The following HRK variants were observed in gnomAD, a reference collection of about 807,000 sequenced individuals.
HRK encodes the protein harakiri, BCL2 interacting protein.
A neutral mutation model predicts 5.9 loss-of-function variants in HRK; 6 were observed. The ratio of observed to expected loss-of-function variants is 1.02; its 90% CI spans 0.56 to 2.01. The LOEUF is 2.01. HRK is among the 30% of genes most tolerant of loss of function. HRK has a pLI of 0.00. For synonymous variants in HRK, 85 were observed against 65.1 expected (o/e 1.31, Z -1.47); for missense variants, 133 against 128.3 (o/e 1.04, Z -0.18).
At chr12:116,877,217 A>ATTT (rs377267721) in intron 1 of HRK, among the ~76,000 whole-genome samples, 177 of 143,332 alleles carry the variant, frequency 1.2e-3, no homozygotes, top group African/African-American at 4.2e-3. Context: ...TGCCCAGCTA[A>ATTT]TTTTTTTTTT....
chr12:116,875,833 C>G (rs1187368813), intron 1 of HRK, among the ~76,000 whole-genome samples: 1 of 152,154 alleles, frequency 6.6e-6, no homozygotes, highest in African/African-American at 2.4e-5. Flanking sequence ...TGTGAGCCAG[C>G]ATACCCGGCT....
chr12:116,877,755 G>T (rs2137254763), intron 1 of HRK, among the ~76,000 whole-genome samples: 1 of 152,032 alleles, frequency 6.6e-6, no homozygotes, highest in Admixed American at 6.5e-5. Flanking sequence ...CCCATTTTTT[G>T]CCCCCATTTT....
chr12:116,860,660 G>T lies in HRK; in HGVS notation c.*863C>A, dbSNP rs971894878. The T allele has an allele frequency of 6.6e-6, 1 of 150,448 alleles. No individual in the cohort carries two copies. Among genetic ancestry groups the T allele is most frequent in the East Asian group, 1.9e-4 (1 of 5,162 alleles). The allele number at this position is 150,448 out of a possible 1,614,324, so 9.3% of individuals were successfully genotyped here. A position where few individuals can be genotyped will look rare whatever the true frequency, so the allele number is the denominator to read the frequency against. On this transcript the variant is annotated 3_prime_UTR_variant, in exon 2 of 2. Transcript: ENST00000257572. ...AACCACCTCTGGATATTCGTCCCCA[G>T]GTAGAAGAAGAGAAGAGACTCTCAA...
chr12:116,868,055 G>A (rs1878609230), intron 1 of HRK, among the ~76,000 whole-genome samples: 1 of 152,058 alleles, frequency 6.6e-6, no homozygotes, highest in South Asian at 2.1e-4. Flanking sequence ...GAATACATGT[G>A]TTAGAATACA....
intron 1 of HRK, among the ~76,000 whole-genome samples, chr12:116,877,915 A>G (rs1022826246): frequency 1.3e-5 from 2 of 152,090 alleles, no homozygotes; most frequent in African/African-American, 4.8e-5. Flanking sequence ...TATGTTTTAA[A>G]TTATTATTGA....
In HRK at chr12:116,862,928, G is replaced by A. The variant is rs888260881; in HGVS notation, c.*57-1462C>T. Among the ~76,000 whole-genome samples the A allele has an allele frequency of 4.6e-5, 7 of 152,110 alleles. No individual in the cohort carries two copies. The highest frequency in any genetic ancestry group is 7.3e-5 in the Non-Finnish European group (5 of 68,034). On this transcript the variant is annotated intron_variant, in intron 1 of 1. Coordinates refer to ENST00000257572, the MANE Select transcript of HRK (RefSeq NM_003806.4). This position sits in a 1 kb window ranked among gnomAD's most constrained non-coding sequence, Gnocchi z 4.0. ...AATTTTTGTATTTTTAGTAGAGACT[G>A]AGTTTTGCCATGTTGGCCAGACTGG...
At chr12:116,872,820 C>G (rs957724567) in intron 1 of HRK, among the ~76,000 whole-genome samples, 1 of 124,454 alleles carries the variant, frequency 8.0e-6, no homozygotes, top group Non-Finnish European at 1.6e-5. Flanking sequence ...CAGAGAGAGA[C>G]AGGAAGAAGG....
intron 1 of HRK, among the ~76,000 whole-genome samples, chr12:116,867,415 A>T (rs1878585455): frequency 6.6e-6 from 1 of 152,086 alleles, no homozygotes; most frequent in Non-Finnish European, 1.5e-5. Context: ...AAGTGCTGGG[A>T]TTACAGGCCT....
intron 1 of HRK, among the ~76,000 whole-genome samples, chr12:116,868,861 T>C (rs1878640496): frequency 6.6e-6 from 1 of 152,130 alleles, no homozygotes; most frequent in African/African-American, 2.4e-5. Flanking sequence ...GAGTCCCAGA[T>C]TGGGGAAGGC....
chr12:116,879,966 G>C lies in HRK; in HGVS notation c.*56+1010C>G, dbSNP rs912023175. 6.6e-6 allele frequency among the ~76,000 whole-genome samples: 1 copy of C among 152,124 alleles called. No individual in the cohort carries two copies. Among genetic ancestry groups the C allele is most frequent in the African/African-American group, 2.4e-5 (1 of 41,446 alleles). ...TCCCTCATTCTCTGCAGCGCTCCTCGCTACTCCAGGATCCAGAGTAGTAAG... is the reference window on the plus strand; with the variant it reads ...TCCCTCATTCTCTGCAGCGCTCCTCCCTACTCCAGGATCCAGAGTAGTAAG... On this transcript the variant is annotated intron_variant, in intron 1 of 1. Coordinates refer to ENST00000257572, the MANE Select transcript of HRK (RefSeq NM_003806.4). The surrounding 1 kb of genome is among the most constrained non-coding windows in gnomAD (Gnocchi z 5.6).
chr12:116,871,928 T>G (rs1191906308), intron 1 of HRK, among the ~76,000 whole-genome samples: 1 of 152,064 alleles, frequency 6.6e-6, no homozygotes, highest in Non-Finnish European at 1.5e-5. Flanking sequence ...TTTTTTTTTT[T>G]TCTTTGAGAT....
chr12:116,871,222 G>T (rs1878738328), intron 1 of HRK, among the ~76,000 whole-genome samples: 1 of 151,638 alleles, frequency 6.6e-6, no homozygotes, highest in South Asian at 2.1e-4. Context: ...CCCCTAAAGT[G>T]CTGGGATTAC....
Position 116,861,485 on chromosome 12 carries a change from G to C in HRK, c.*57-19C>G, listed in dbSNP as rs1878367545. On this transcript the variant is annotated intron_variant, in intron 1 of 1. Transcript: ENST00000257572. Reference sequence around the variant, plus strand: ...CACCAACCTGCAGAAATAAAGATTGGTATTTTGGTCAGTGCAGACAGCTGC... The same window carrying C: ...CACCAACCTGCAGAAATAAAGATTGCTATTTTGGTCAGTGCAGACAGCTGC... 1 of 152,186 alleles carries C rather than the reference G, an allele frequency of 6.6e-6. No homozygotes were observed. The highest frequency in any genetic ancestry group is 2.1e-4 in the South Asian group (1 of 4,830). The allele number at this position is 152,186 out of a possible 1,614,324, so 9.4% of individuals were successfully genotyped here.
chr12:116,861,994 G>A (rs1878383513), intron 1 of HRK, among the ~76,000 whole-genome samples: 1 of 152,154 alleles, frequency 6.6e-6, no homozygotes, highest in Non-Finnish European at 1.5e-5. Flanking sequence ...GCCCCTTGAG[G>A]GGCTCAGAAC....
chr12:116,870,376 G>A (rs902601574), intron 1 of HRK, among the ~76,000 whole-genome samples: 2 of 152,160 alleles, frequency 1.3e-5, no homozygotes, highest in African/African-American at 4.8e-5. Context: ...CCTGAAGTGG[G>A]GAGAGGCACG....
chr12:116,872,836 C>CGGAA (rs952414224), intron 1 of HRK, among the ~76,000 whole-genome samples: 11 of 116,496 alleles, frequency 9.4e-5, no homozygotes, highest in Non-Finnish European at 1.8e-4. Context: ...GAAGGAGGGA[C>CGGAA]GGAAGGAAGG....
chr12:116,873,124 T>TTTTTGTTTTG (rs373165953), intron 1 of HRK, among the ~76,000 whole-genome samples: 15 of 151,902 alleles, frequency 9.9e-5, no homozygotes, highest in African/African-American at 3.6e-4. Flanking sequence ...CTTTTTCATT[T>TTTTTGTTTTG]TTTTGTTTTG....
chr12:116,868,483 T>C (rs1878627975), intron 1 of HRK, among the ~76,000 whole-genome samples: 1 of 152,248 alleles, frequency 6.6e-6, no homozygotes, highest in South Asian at 2.1e-4. Flanking sequence ...ATGTCTCTAA[T>C]GTCGTGTCTG....
At chr12:116,865,778 G>T (rs1878521465) in intron 1 of HRK, among the ~76,000 whole-genome samples, 1 of 152,006 alleles carries the variant, frequency 6.6e-6, no homozygotes. Context: ...CCTACCATTA[G>T]GTTCCCAGAG....
Sources: gnomAD v4.1 joint callset for allele counts (sites outside exome capture counted in the v4.1 genomes callset) on GRCh38, gnomAD v4.1.1 for gene constraint, Gnocchi (gnomAD v3.1) non-coding constraint, MANE v1.5 for transcripts, NCBI Gene and HGNC (gene_info 2026-07-23, HGNC 2026-07-21) for gene names.